The following DSCAM variants were observed in gnomAD, a reference collection of about 807,000 sequenced individuals.
DSCAM encodes the protein DS cell adhesion molecule, also known as cell adhesion molecule DSCAM.
DSCAM carries 47 observed loss-of-function variants against 217.7 expected under a neutral mutation model. That is an observed-to-expected ratio of 0.22 (90% CI 0.17 to 0.28). The LOEUF is 0.28. DSCAM is among the 10% of genes least tolerant of loss of function. The probability of loss-of-function intolerance (pLI) is 1.00; values close to 1 mark genes in which losing one functional copy is unlikely to be tolerated. For missense variants in DSCAM, 2,080 were observed against 2,618.3 expected (o/e 0.79, Z 4.49); for synonymous variants, 1,056 against 1,015.3 (o/e 1.04, Z -0.76).
At chr21:40,329,612 CTAAA>C (rs141438568) in intron 8 of DSCAM, among the ~76,000 whole-genome samples, 95,085 of 134,794 alleles carry the variant, frequency 0.71, 33,779 homozygotes, top group Non-Finnish European at 0.73. Context: ...GACTCCGTCT[CTAAA>C]TAAATAAATA....
intron 3 of DSCAM, among the ~76,000 whole-genome samples, chr21:40,632,236 T>A (rs1345792120): frequency 6.6e-6 from 1 of 151,652 alleles, no homozygotes; most frequent in Admixed American, 6.6e-5. Context: ...CCAAGACAAA[T>A]CCAGCTATTG....
chr21:40,178,251 G>A (rs923361555), intron 15 of DSCAM, among the ~76,000 whole-genome samples: 4 of 152,042 alleles, frequency 2.6e-5, no homozygotes, highest in Admixed American at 6.6e-5. Context: ...ACACTGGTGC[G>A]TGCCTGTGTG....
intron 3 of DSCAM, among the ~76,000 whole-genome samples, chr21:40,499,620 T>G (rs1162448108): frequency 6.6e-6 from 1 of 152,202 alleles, no homozygotes; most frequent in African/African-American, 2.4e-5. Context: ...AACTTTACTT[T>G]TCTCTTGCTC....
At chr21:40,490,321 G>A (rs2076066411) in intron 3 of DSCAM, among the ~76,000 whole-genome samples, 1 of 152,090 alleles carries the variant, frequency 6.6e-6, no homozygotes, top group Admixed American at 6.5e-5. Context: ...TAAGGACAGT[G>A]TTATACACAA....
intron 11 of DSCAM, among the ~76,000 whole-genome samples, chr21:40,214,267 G>C (rs894199173): frequency 6.6e-6 from 1 of 152,192 alleles, no homozygotes. Flanking sequence ...GGACGTGGGA[G>C]CCTGTGTTCT....
intron 1 of DSCAM, among the ~76,000 whole-genome samples, chr21:40,777,995 C>T (rs566463719): frequency 6.6e-6 from 1 of 152,044 alleles, no homozygotes; most frequent in Non-Finnish European, 1.5e-5. Context: ...ATTTTACCTC[C>T]AAAGTACAAA....
chr21:40,227,923 G>C (rs925564012), intron 11 of DSCAM, among the ~76,000 whole-genome samples: 1 of 152,102 alleles, frequency 6.6e-6, no homozygotes, highest in East Asian at 1.9e-4. Context: ...TCCCATCCAG[G>C]ATCCCATTCT....
At chr21:40,713,396 C>T (rs904151992) in intron 1 of DSCAM, among the ~76,000 whole-genome samples, 2 of 152,156 alleles carry the variant, frequency 1.3e-5, no homozygotes, top group Non-Finnish European at 1.5e-5. Context: ...AACTTGCTCT[C>T]GTGTGCCTAT....
intron 14 of DSCAM, among the ~76,000 whole-genome samples, chr21:40,182,649 GT>G (rs1422454846): frequency 1.6e-5 from 2 of 126,552 alleles, no homozygotes; most frequent in Non-Finnish European, 3.2e-5. Context: ...ACAGGAGGGG[GT>G]TACCAGAGAA....
At chr21:40,309,396 T>A (rs2074114176) in intron 9 of DSCAM, among the ~76,000 whole-genome samples, 1 of 152,170 alleles carries the variant, frequency 6.6e-6, no homozygotes, top group African/African-American at 2.4e-5. Flanking sequence ...ATATTCTCTT[T>A]CTCGATTTAT....
intron 11 of DSCAM, among the ~76,000 whole-genome samples, chr21:40,225,737 T>C (rs552609777): frequency 1.3e-5 from 2 of 152,096 alleles, no homozygotes; most frequent in South Asian, 2.1e-4. Flanking sequence ...GTTGGGACCA[T>C]GGAGAGAACA....
At chr21:40,388,608 T>C (rs1370065458) in intron 3 of DSCAM, among the ~76,000 whole-genome samples, 1 of 152,066 alleles carries the variant, frequency 6.6e-6, no homozygotes, top group African/African-American at 2.4e-5. Context: ...TTAATCTTCA[T>C]AGGAAAATCA....
rs1004912370 is a variant in DSCAM at position 40,011,832 on chromosome 21, T to C, written c.*1202A>G. 2.6e-5 allele frequency: 4 copies of C among 152,152 alleles called. No individual in the cohort carries two copies. Among genetic ancestry groups the C allele is most frequent in the South Asian group, 2.1e-4 (1 of 4,830 alleles). The allele number at this position is 152,152 out of a possible 1,614,324, so 9.4% of individuals were successfully genotyped here. The stretch of plus-strand genomic sequence containing the variant: ...ATTTGCATACCAGGCATAGTGGAGA[T>C]AGGAAAAGTCATGGAGGGTAAGATG... On this transcript the variant is annotated 3_prime_UTR_variant, in exon 33 of 33. Transcript: ENST00000400454.
chr21:40,136,164 CTG>C (rs999464961), intron 18 of DSCAM, among the ~76,000 whole-genome samples: 3 of 152,230 alleles, frequency 2.0e-5, no homozygotes, highest in Admixed American at 2.0e-4. Context: ...AATGAGGAGA[CTG>C]TGTGAGCATG....
chr21:40,358,453 T>C (rs570649843), intron 4 of DSCAM, among the ~76,000 whole-genome samples: 1 of 150,952 alleles, frequency 6.6e-6, no homozygotes, highest in Admixed American at 6.6e-5. Flanking sequence ...GAAGAGTTCT[T>C]AGGCATAACA....
chr21:40,267,996 C>T (rs2073563662), intron 11 of DSCAM, among the ~76,000 whole-genome samples: 1 of 152,130 alleles, frequency 6.6e-6, no homozygotes, highest in East Asian at 1.9e-4. Context: ...TATACAAATA[C>T]ACACACATAT....
At chr21:40,774,489 C>A (rs1338218303) in intron 1 of DSCAM, among the ~76,000 whole-genome samples, 1 of 152,198 alleles carries the variant, frequency 6.6e-6, no homozygotes, top group African/African-American at 2.4e-5. Flanking sequence ...TGTTGCCTGG[C>A]CATGTGGTTG....
At chr21:40,769,699 TTTC>T (rs1208480676) in intron 1 of DSCAM, among the ~76,000 whole-genome samples, 2 of 152,316 alleles carry the variant, frequency 1.3e-5, no homozygotes, top group African/African-American at 2.4e-5. Flanking sequence ...TGGAGCATTT[TTTC>T]TTGTCTCTGC....
At chr21:40,837,890 A>G (rs983823407) in intron 1 of DSCAM, among the ~76,000 whole-genome samples, 14 of 152,218 alleles carry the variant, frequency 9.2e-5, no homozygotes, top group African/African-American at 3.1e-4. Context: ...TGCAAGCTAC[A>G]TATCAGTTAT....
Sources: allele counts gnomAD v4.1 joint callset (sites outside exome capture counted in the v4.1 genomes callset), GRCh38; gene constraint gnomAD v4.1.1; transcripts MANE v1.5; gene names NCBI Gene and HGNC (gene_info 2026-07-23, HGNC 2026-07-21).